The following ARHGAP22 variants were observed in gnomAD, a reference collection of about 807,000 sequenced individuals.
ARHGAP22 encodes the protein rho GTPase-activating protein 22.
In ARHGAP22, 48 loss-of-function variants were observed where a neutral mutation model predicts 59.1. The observed-to-expected ratio is 0.81, with a 90% CI of 0.64 to 1.03. ARHGAP22 has a LOEUF of 1.03. ARHGAP22 is among the 50% of genes least tolerant of loss of function. ARHGAP22 has a pLI of 0.00. For synonymous variants in ARHGAP22, 445 were observed against 416.4 expected, an observed-to-expected ratio of 1.07 and a Z score of -0.84; for missense variants, 1,015 against 958.7, an observed-to-expected ratio of 1.06 and a Z score of -0.78.
the ARHGAP22 span, chr10:48,434,858 T>C: frequency 1.3e-6 from 2 of 1,584,982 alleles, no homozygotes; most frequent in Non-Finnish European, 1.7e-6. Flanking sequence ...TGCAACTGAT[T>C]TGCTGTTTTG....
chr10:48,486,488 G>A (rs937839009), intron 3 of ARHGAP22, among the ~76,000 whole-genome samples: 8 of 151,918 alleles, frequency 5.3e-5, no homozygotes, highest in Non-Finnish European at 8.8e-5. Context: ...TTACAGGCAC[G>A]CACACCACGC....
intron 1 of ARHGAP22, among the ~76,000 whole-genome samples, chr10:48,599,422 C>G (rs996512040): frequency 6.6e-6 from 1 of 152,146 alleles, no homozygotes; most frequent in South Asian, 2.1e-4. Flanking sequence ...GTGGTTGTTG[C>G]GATTATTAAG....
At chr10:48,612,327 C>G (rs1170274425) in intron 1 of ARHGAP22, among the ~76,000 whole-genome samples, 2 of 152,196 alleles carry the variant, frequency 1.3e-5, no homozygotes, top group Non-Finnish European at 2.9e-5. Flanking sequence ...GAGGTATTCC[C>G]CATCTCCCTC....
rs527850588 is a variant in ARHGAP22, at chr10:48,563,797, A to C, written c.235-8247T>G. 3.3e-5 allele frequency among the ~76,000 whole-genome samples: 5 copies of C among 152,368 alleles called. No individual in the cohort carries two copies. In the South Asian group the frequency reaches 1.0e-3, roughly 32 times the overall value. On this transcript the variant is annotated intron_variant, in intron 2 of 9. Transcript: ENST00000249601. ...AGTGGATTCCAAAGATTTGCTATAA[A>C]AGATGTAAACTATTTCATTAATAAT...
At chr10:48,555,280 T>C (rs575299530) in intron 3 of ARHGAP22, among the ~76,000 whole-genome samples, 183 bp downstream of exon 3, 1 of 152,376 alleles carries the variant, frequency 6.6e-6, no homozygotes, top group South Asian at 2.1e-4. Flanking sequence ...AGATAATTGA[T>C]GGGACTTTCT....
intron 3 of ARHGAP22, among the ~76,000 whole-genome samples, chr10:48,541,645 A>C (rs1260292181): frequency 1.3e-5 from 2 of 152,206 alleles, no homozygotes; most frequent in Non-Finnish European, 2.9e-5. Flanking sequence ...GCAGGCAGGC[A>C]GAGTGTCACA....
intron 2 of ARHGAP22, among the ~76,000 whole-genome samples, chr10:48,578,769 C>T (rs1340542081): frequency 1.3e-5 from 2 of 151,990 alleles, no homozygotes; most frequent in Non-Finnish European, 2.9e-5. Flanking sequence ...TAAAAGTTCA[C>T]AGCTGCTGTC....
chr10:48,618,359 C>A (rs774411482), intron 1 of ARHGAP22, among the ~76,000 whole-genome samples: 17 of 151,964 alleles, frequency 1.1e-4, no homozygotes, highest in Middle Eastern at 3.2e-3. Context: ...CTAGCTATAC[C>A]CTGATGCCCA....
At chr10:48,464,836 G>A (rs2047495642) in intron 4 of ARHGAP22, among the ~76,000 whole-genome samples, 1 of 152,032 alleles carries the variant, frequency 6.6e-6, no homozygotes, top group Non-Finnish European at 1.5e-5. Context: ...AGACTTCCCT[G>A]AGGCCCAGCC....
chr10:48,592,524 C>A (rs1319293587), intron 1 of ARHGAP22, among the ~76,000 whole-genome samples: 1 of 152,146 alleles, frequency 6.6e-6, no homozygotes, highest in Non-Finnish European at 1.5e-5. Flanking sequence ...TATACTCCCC[C>A]GCTTCTCCCC....
chr10:48,462,190 C>A lies in ARHGAP22; in HGVS notation c.452-2299G>T, dbSNP rs112266820. On this transcript the variant is annotated intron_variant, in intron 4 of 9. Coordinates refer to ENST00000249601, the MANE Select transcript of ARHGAP22 (RefSeq NM_021226.4). ...CATGTGCTGGATGTGCGCTTATAAA[C>A]GTATGTGCATATGTGTGCTTGTGGG... Among the ~76,000 whole-genome samples the A allele has an allele frequency of 4.3e-3, 582 of 134,160 alleles. 2 individuals carry two copies. Among genetic ancestry groups the A allele is most frequent in the African/African-American group, 0.015 (546 of 35,364 alleles). 88.0% of individuals were successfully genotyped at this position (134,160 alleles called of 152,430 possible). A position where few individuals can be genotyped will look rare whatever the true frequency, so the allele number is the denominator to read the frequency against.
intron 3 of ARHGAP22, among the ~76,000 whole-genome samples, chr10:48,493,156 A>G (rs1198752575): frequency 6.6e-6 from 1 of 152,110 alleles, no homozygotes; most frequent in Non-Finnish European, 1.5e-5. Context: ...TATTTTGCCA[A>G]CCACACTCTC....
chr10:48,509,332 CCAGT>C (rs1285459298), intron 3 of ARHGAP22, among the ~76,000 whole-genome samples: 1 of 152,206 alleles, frequency 6.6e-6, no homozygotes, highest in African/African-American at 2.4e-5. Flanking sequence ...ACCAACATCC[CCAGT>C]CAGTGGAGCA....
chr10:48,599,048 C>A (rs545764715), intron 1 of ARHGAP22, among the ~76,000 whole-genome samples: 2 of 152,288 alleles, frequency 1.3e-5, no homozygotes, highest in South Asian at 4.1e-4. Context: ...GTCTTTTTCT[C>A]AATGGGAATC....
chr10:48,439,144 TCCTCTCCTTCCCTGTGTTCCGTTC>T, the ARHGAP22 span: 8 of 151,750 alleles, frequency 5.3e-5, no homozygotes, highest in Admixed American at 3.9e-4. Flanking sequence ...CCTCCTCCAT[TCCTCTCCTTCCCTGTGTTCCGTTC>T]CCTCTCCTTT....
chr10:48,575,827 C>A (rs1292122675), intron 2 of ARHGAP22, among the ~76,000 whole-genome samples: 1 of 152,178 alleles, frequency 6.6e-6, no homozygotes, highest in Non-Finnish European at 1.5e-5. Context: ...TCTTCCAAGG[C>A]CCCCAGCCCT....
At chr10:48,518,086 A>T (rs1302872575) in intron 3 of ARHGAP22, among the ~76,000 whole-genome samples, 1 of 152,164 alleles carries the variant, frequency 6.6e-6, no homozygotes, top group Admixed American at 6.5e-5. Context: ...GCTGTGCAGG[A>T]CACCGAGTGG....
At chr10:48,539,869 CTT>C (rs539228733) in intron 3 of ARHGAP22, among the ~76,000 whole-genome samples, 2 of 152,284 alleles carry the variant, frequency 1.3e-5, no homozygotes, top group South Asian at 4.1e-4. Flanking sequence ...AATACATTGA[CTT>C]ATAATAAATT....
At chr10:48,496,978 A>G (rs2134306855) in intron 3 of ARHGAP22, among the ~76,000 whole-genome samples, 1 of 152,154 alleles carries the variant, frequency 6.6e-6, no homozygotes, top group Middle Eastern at 3.4e-3. Context: ...GGCTCTGTGC[A>G]GGGGGCCCAG....
Sources: gnomAD v4.1 joint callset for allele counts (sites outside exome capture counted in the v4.1 genomes callset) on GRCh38, gnomAD v4.1.1 for gene constraint, MANE v1.5 for transcripts, NCBI Gene and HGNC (gene_info 2026-07-23, HGNC 2026-07-21) for gene names.